SLC2A5: variants seen among roughly 807,000 people sequenced by gnomAD.
SLC2A5 encodes the protein solute carrier family 2 member 5.
Under a neutral mutation model 50.3 loss-of-function variants are expected in SLC2A5, and 56 were observed. The ratio of observed to expected loss-of-function variants is 1.11; its 90% CI spans 0.90 to 1.39. SLC2A5 has a LOEUF of 1.39. Ranked by LOEUF, SLC2A5 falls within the 40% of genes most tolerant of loss-of-function variation. SLC2A5 has a pLI of 0.00. For synonymous variants in SLC2A5, 269 were observed against 281.9 expected (o/e 0.95, Z 0.46); for missense variants, 566 against 650.1 (o/e 0.87, Z 1.41).
the SLC2A5 span, among the ~76,000 whole-genome samples, chr1:9,094,194 A>G: frequency 6.6e-6 from 1 of 152,206 alleles, no homozygotes; most frequent in Non-Finnish European, 1.5e-5. Flanking sequence ...CCTGAAGCGA[A>G]CGGAGCATTC....
At chr1:9,086,488 A>C (rs1227623345) in intron 1 of SLC2A5, among the ~76,000 whole-genome samples, 1 of 151,482 alleles carries the variant, frequency 6.6e-6, no homozygotes, top group Non-Finnish European at 1.5e-5. Flanking sequence ...TCCCAGGTTC[A>C]AGTGATTCTC....
rs1292746745 is a variant in SLC2A5 at position 9,040,058 on chromosome 1, C to T, written c.697+6G>A. Reference sequence around the variant, plus strand: ...TGGAGGCCGCCCCCGCCAGAGCCCTCGTTACCTTTCTTGGCGGCCGCTTCG... The same window carrying T: ...TGGAGGCCGCCCCCGCCAGAGCCCTTGTTACCTTTCTTGGCGGCCGCTTCG... On this transcript the variant is annotated splice_donor_region_variant and intron_variant, in intron 6 of 11. Coordinates refer to ENST00000377424, the MANE Select transcript of SLC2A5 (RefSeq NM_003039.3). This position sits in a 1 kb window ranked among gnomAD's most constrained non-coding sequence, Gnocchi z 4.3. 4 of 1,586,124 alleles carry T rather than the reference C, an allele frequency of 2.5e-6. No individual in the cohort carries two copies. Among genetic ancestry groups the T allele is most frequent in the South Asian group, 2.3e-5 (2 of 88,402 alleles).
Position 9,039,982 on chromosome 1 carries a change from G to A in SLC2A5, c.703C>T (p.Gln235Ter). The A allele has an allele frequency of 1.9e-6, 3 of 1,608,952 alleles. No homozygotes were observed. The South Asian group carries it at 3.3e-5, about 18-fold the overall frequency. The change falls in exon 7 of 12, where the codon CAG becomes TAG. Residue 235 changes from glutamine to a stop codon, truncating the protein, a stop_gained. Coordinates refer to ENST00000377424, the MANE Select transcript of SLC2A5 (RefSeq NM_003039.3). LOFTEE classifies it high-confidence loss of function. Reference protein sequence around the residue: ...KDEAAAKKALQTLRGWDSVDR... With the variant: ...KDEAAAKKAL ...ACAGAGTCCCAGCCGCGCAGCGTCTGTAGGGCTGGGGAGAAGCGGCACCGT... is the reference window on the plus strand; with the variant it reads ...ACAGAGTCCCAGCCGCGCAGCGTCTATAGGGCTGGGGAGAAGCGGCACCGT...
rs774533678 is a variant in SLC2A5 at position 9,039,536 on chromosome 1, C to T, written c.996+16G>A. On this transcript the variant is annotated intron_variant, in intron 8 of 11. Coordinates refer to ENST00000377424, the MANE Select transcript of SLC2A5 (RefSeq NM_003039.3). ...GGCCTTGGGTGGAGGCTGTGGGCAG[C>T]TCCCAGGACACTCACGGCGCAGAAG... is the stretch of plus-strand genomic sequence containing the variant. 4 of 1,541,182 alleles carry T rather than the reference C, an allele frequency of 2.6e-6. No homozygotes were observed. The South Asian group carries it at 4.8e-5, about 18-fold the overall frequency.
chr1:9,059,149 T>TTG, intron 1 of SLC2A5, among the ~76,000 whole-genome samples: 1 of 106,080 alleles, frequency 9.4e-6, no homozygotes, highest in Non-Finnish European at 1.9e-5. Context: ...TTTTTTTTTT[T>TTG]TTTTTTTTTT....
At chr1:9,041,311 C>A in intron 5 of SLC2A5, 1 of 466,056 alleles carries the variant, frequency 2.1e-6, no homozygotes, top group Non-Finnish European at 3.5e-6. Flanking sequence ...CTGGGATGTC[C>A]TCACCACCTC....
intron 3 of SLC2A5, chr1:9,049,187 G>T (rs1477165106): frequency 2.2e-6 from 1 of 456,094 alleles, no homozygotes; most frequent in Admixed American, 2.3e-5. Context: ...CATGATGGAC[G>T]AAGCTGTCAG....
At chr1:9,048,590 G>T (rs181218381) in intron 3 of SLC2A5, among the ~76,000 whole-genome samples, 128 of 152,116 alleles carry the variant, frequency 8.4e-4, no homozygotes, top group Admixed American at 1.6e-3. Context: ...AGCAGCAAAA[G>T]AAGTCAATAA....
chr1:9,080,386 C>A (rs925891837), intron 2 of SLC2A5, among the ~76,000 whole-genome samples: 1 of 152,084 alleles, frequency 6.6e-6, no homozygotes, highest in Non-Finnish European at 1.5e-5. Context: ...TAGGAATTAC[C>A]GTTCTGTTTT....
At chr1:9,044,957 G>T (rs1641400659) in intron 4 of SLC2A5, among the ~76,000 whole-genome samples, 1 of 152,188 alleles carries the variant, frequency 6.6e-6, no homozygotes, top group Admixed American at 6.5e-5. Flanking sequence ...AATGGATTAT[G>T]CCCCTAATGG....
intron 4 of SLC2A5, among the ~76,000 whole-genome samples, chr1:9,047,298 GACATCACC>G (rs1353995844): frequency 2.0e-5 from 3 of 152,128 alleles, no homozygotes; most frequent in Non-Finnish European, 2.9e-5. Flanking sequence ...TCACTAAACA[GACATCACC>G]ACCCACTAAC....
At chr1:9,081,468 T>TAAAAAAAA (rs34557003) in intron 2 of SLC2A5, among the ~76,000 whole-genome samples, 2 of 102,448 alleles carry the variant, frequency 2.0e-5, no homozygotes, top group Middle Eastern at 5.7e-3. Flanking sequence ...CTCCTTCTCT[T>TAAAAAAAA]AAAAAAAAAA....
At chr1:9,069,193 T>C (rs1642159706) in intron 1 of SLC2A5, among the ~76,000 whole-genome samples, 1 of 152,174 alleles carries the variant, frequency 6.6e-6, no homozygotes, top group African/African-American at 2.4e-5. Context: ...ATAGAAGGAT[T>C]TTGCAGCTAA....
chr1:9,071,762 C>G (rs1642217047), upstream of SLC2A5: 1 of 152,352 alleles, frequency 6.6e-6, no homozygotes, highest in Non-Finnish European at 1.5e-5. Flanking sequence ...GAGCCGAGCG[C>G]GGGGACGGGG....
intron 1 of SLC2A5, among the ~76,000 whole-genome samples, chr1:9,068,567 T>C (rs974904212): frequency 7.9e-5 from 12 of 151,288 alleles, no homozygotes; most frequent in African/African-American, 2.9e-4. Context: ...TTCTCCTGCC[T>C]CAGCCTCCTG....
At chr1:9,062,323 T>C (rs1705295) in intron 1 of SLC2A5, among the ~76,000 whole-genome samples, 141,375 of 152,306 alleles carry the variant, frequency 0.93, 65,751 homozygotes, top group East Asian at 1. Context: ...TGGGGAGCAA[T>C]ATTTCAGCTG....
At chr1:9,051,964 G>T (rs1641588649) in intron 3 of SLC2A5, among the ~76,000 whole-genome samples, 1 of 152,184 alleles carries the variant, frequency 6.6e-6, no homozygotes, top group Non-Finnish European at 1.5e-5. Flanking sequence ...AAAAGACATG[G>T]AGAAGCCTTC....
intron 3 of SLC2A5, chr1:9,049,240 C>A (rs1641509885): frequency 2.2e-6 from 1 of 455,256 alleles, no homozygotes; most frequent in African/African-American, 2.0e-5. Context: ...AAACTTGCCA[C>A]ACGTGAGAGC....
At chr1:9,041,152 C>G (rs1641292005) in intron 5 of SLC2A5, 1 of 372,154 alleles carries the variant, frequency 2.7e-6, no homozygotes, top group African/African-American at 2.1e-5. Context: ...TGTGTAGAAC[C>G]CTGGCGGGAA....
Sources: gnomAD v4.1 joint callset for allele counts (sites outside exome capture counted in the v4.1 genomes callset) on GRCh38, gnomAD v4.1.1 for gene constraint, Gnocchi (gnomAD v3.1) non-coding constraint, MANE v1.5 for transcripts, NCBI Gene and HGNC (gene_info 2026-07-23, HGNC 2026-07-21) for gene names.